DEFB110: variants seen among roughly 807,000 people sequenced by gnomAD.
DEFB110 encodes defensin beta 110, also known as beta-defensin 110.
Under a neutral mutation model 2.5 loss-of-function variants are expected in DEFB110, and 4 were observed. The observed-to-expected ratio is 1.60, with a 90% CI of 0.79 to 3.66. The LOEUF (loss-of-function observed/expected upper bound fraction) is 3.66. Among genes scored for constraint, DEFB110 ranks in the 30% most tolerant of loss-of-function variants. DEFB110 has a pLI of 0.01. For missense variants in DEFB110, 94 were observed against 75.4 expected, an observed-to-expected ratio of 1.25 and a Z score of -0.91; for synonymous variants, 29 against 21.8, an observed-to-expected ratio of 1.33 and a Z score of -0.92.
At chr6:50,010,540 T>G (rs951386760) in intron 1 of DEFB110, among the ~76,000 whole-genome samples, 4 of 150,572 alleles carry the variant, frequency 2.7e-5, no homozygotes, top group Non-Finnish European at 5.9e-5. Flanking sequence ...TATATATATA[T>G]AGACATACAT....
chr6:50,019,056 C>T lies in DEFB110; in HGVS notation c.125G>A (p.Cys42Tyr), dbSNP rs1449742388. Reference protein sequence around the residue: ...RRECRIGNGQCKNQCHENEIR... With the variant: ...RRECRIGNGQYKNQCHENEIR... Reference sequence around the variant, plus strand: ...TTCATTTTCATGACACTGATTTTTACATTGACCATTACCTATTCTGCACTC... The same window carrying T: ...TTCATTTTCATGACACTGATTTTTATATTGACCATTACCTATTCTGCACTC... Residue 42 changes from cysteine (C) to tyrosine (Y), a missense_variant, in exon 2 of 2, where the codon TGT becomes TAT. Physicochemically the swap from Cys to Tyr is radical, Grantham distance 194. Transcript: ENST00000371148. The T allele has an allele frequency of 1.2e-6, 2 of 1,613,250 alleles. No individual in the cohort carries two copies. Among genetic ancestry groups the T allele is most frequent in the South Asian group, 2.2e-5 (2 of 91,048 alleles).
chr6:50,011,919 A>G (rs1774235036), intron 1 of DEFB110, among the ~76,000 whole-genome samples: 1 of 152,078 alleles, frequency 6.6e-6, no homozygotes, highest in Non-Finnish European at 1.5e-5. Flanking sequence ...ATCAGATAGA[A>G]TTAAGTTTCA....
downstream of DEFB110, among the ~76,000 whole-genome samples, chr6:50,016,731 A>T (rs1582366952): frequency 6.6e-6 from 1 of 151,930 alleles, no homozygotes; most frequent in East Asian, 1.9e-4. Flanking sequence ...CAGGAAAAAA[A>T]AAATATTAAT....
At chr6:50,021,738 C>T (rs1261290051) in intron 1 of DEFB110, 143 bp downstream of exon 1, 1 of 780,408 alleles carries the variant, frequency 1.3e-6, no homozygotes, top group East Asian at 3.2e-5. Context: ...ATTATCTGTT[C>T]TGGAGTCCAA....
At chr6:50,011,140 T>C (rs1164197522) in intron 1 of DEFB110, among the ~76,000 whole-genome samples, 2 of 151,630 alleles carry the variant, frequency 1.3e-5, no homozygotes, top group South Asian at 4.2e-4. Flanking sequence ...CTTTGTATTG[T>C]TATGAAAATT....
downstream of DEFB110, among the ~76,000 whole-genome samples, chr6:50,017,220 A>G (rs1774334039): frequency 6.6e-6 from 1 of 151,902 alleles, no homozygotes; most frequent in African/African-American, 2.4e-5. Flanking sequence ...TTCTGGAGCC[A>G]GCAATATATC....
downstream of DEFB110, among the ~76,000 whole-genome samples, chr6:50,016,496 T>C (rs1484496514): frequency 6.6e-6 from 1 of 151,868 alleles, no homozygotes; most frequent in African/African-American, 2.4e-5. Flanking sequence ...ACAATAAAAA[T>C]TACAATGTAT....
At chr6:50,021,767 A>C in intron 1 of DEFB110, 114 bp downstream of exon 1, 2 of 999,254 alleles carry the variant, frequency 2.0e-6, no homozygotes, top group South Asian at 1.7e-5. Flanking sequence ...ACCACATTAC[A>C]TTTTTGTGAA....
At chr6:50,009,773 T>C (rs1774196770) in intron 1 of DEFB110, among the ~76,000 whole-genome samples, 1 of 151,996 alleles carries the variant, frequency 6.6e-6, no homozygotes, top group Non-Finnish European at 1.5e-5. Flanking sequence ...TCGAGAAAAC[T>C]CAAAACTAAA....
intron 1 of DEFB110, among the ~76,000 whole-genome samples, chr6:50,010,548 CATAGACATATAT>C (rs1421023579): frequency 5.3e-5 from 8 of 150,012 alleles, no homozygotes; most frequent in African/African-American, 9.8e-5. Flanking sequence ...TATAGACATA[CATAGACATATAT>C]ATAGACATAT....
At chr6:50,015,534 T>C (rs1277824513), downstream of DEFB110, among the ~76,000 whole-genome samples, 1 of 151,804 alleles carries the variant, frequency 6.6e-6, no homozygotes, top group East Asian at 1.9e-4. Flanking sequence ...AACACTTTTT[T>C]CAGCCTTTAC....
At chr6:50,021,746 C>T (rs1561993277) in intron 1 of DEFB110, 135 bp downstream of exon 1, 3 of 837,446 alleles carry the variant, frequency 3.6e-6, no homozygotes, top group East Asian at 3.2e-5. Context: ...TTCTGGAGTC[C>T]AATCTAAAAT....
At chr6:50,019,283 A>G (rs184894094) in intron 1 of DEFB110, among the ~76,000 whole-genome samples, 158 bp from the exon 2 acceptor site, 1 of 152,210 alleles carries the variant, frequency 6.6e-6, no homozygotes, top group East Asian at 1.9e-4. Context: ...GGTACAAGCT[A>G]CATTCTAGAA....
intron 1 of DEFB110, among the ~76,000 whole-genome samples, chr6:50,012,386 A>T (rs2113937740): frequency 6.6e-6 from 1 of 152,112 alleles, no homozygotes; most frequent in East Asian, 1.9e-4. Flanking sequence ...AACTGAAAAA[A>T]AAGAGCGAGT....
downstream of DEFB110, among the ~76,000 whole-genome samples, chr6:50,018,376 C>G (rs981337258): frequency 5.9e-5 from 9 of 151,990 alleles, no homozygotes; most frequent in African/African-American, 2.2e-4. Flanking sequence ...CCTCTCATTT[C>G]TTGATACACA....
intron 1 of DEFB110, among the ~76,000 whole-genome samples, chr6:50,010,642 G>A (rs927416641): frequency 2.7e-5 from 4 of 150,912 alleles, no homozygotes; most frequent in Non-Finnish European, 5.9e-5. Context: ...TTTTTTTAGT[G>A]AATGGTAAAC....
intron 1 of DEFB110, among the ~76,000 whole-genome samples, chr6:50,019,514 T>A (rs781058089): frequency 3.9e-5 from 6 of 152,126 alleles, no homozygotes; most frequent in Non-Finnish European, 7.4e-5. Context: ...TATGAATTCT[T>A]CTTCAAGTGA....
downstream of DEFB110, among the ~76,000 whole-genome samples, chr6:50,017,139 A>G (rs917426608): frequency 6.6e-6 from 1 of 151,806 alleles, no homozygotes; most frequent in Non-Finnish European, 1.5e-5. Context: ...CATTTTAAAC[A>G]TTTATTTTTA....
intron 1 of DEFB110, chr6:50,009,295 A>C: frequency 6.3e-7 from 1 of 1,579,706 alleles, no homozygotes; most frequent in Non-Finnish European, 8.5e-7. Context: ...AAATATCTAA[A>C]GTTATTAGTC....
Sources: allele counts gnomAD v4.1 joint callset (sites outside exome capture counted in the v4.1 genomes callset), GRCh38; gene constraint gnomAD v4.1.1; transcripts MANE v1.5; gene names NCBI Gene and HGNC (gene_info 2026-07-23, HGNC 2026-07-21).